The following ROBO2 variants were observed in gnomAD, a reference collection of about 807,000 sequenced individuals.
The protein encoded by ROBO2 is roundabout guidance receptor 2.
Under a neutral mutation model 160.8 loss-of-function variants are expected in ROBO2, and 53 were observed. The ratio of observed to expected loss-of-function variants is 0.33; its 90% confidence interval spans 0.26 to 0.41. ROBO2 has a LOEUF of 0.41. Ranked by LOEUF, ROBO2 falls within the 10% of genes least tolerant of loss-of-function variation. ROBO2 has a pLI of 1.00. For missense variants in ROBO2, 1,577 were observed against 1,722.4 expected (o/e 0.92, Z 1.49); for synonymous variants, 664 against 611.7 (o/e 1.09, Z -1.26).
At chr3:77,046,424 T>C (rs2064676706) in intron 1 of ROBO2, among the ~76,000 whole-genome samples, 1 of 152,200 alleles carries the variant, frequency 6.6e-6, no homozygotes, top group African/African-American at 2.4e-5. Flanking sequence ...AGATAGTACC[T>C]CAGTTGAACT....
chr3:76,874,084 A>C (rs1197416529), intron 2 of ROBO2, among the ~76,000 whole-genome samples: 1 of 152,194 alleles, frequency 6.6e-6, no homozygotes. Context: ...GGCCAGCCAC[A>C]GTTGATTGAC....
intron 2 of ROBO2, among the ~76,000 whole-genome samples, chr3:76,487,163 T>G (rs933451460): frequency 6.8e-6 from 1 of 148,092 alleles, no homozygotes; most frequent in African/African-American, 2.5e-5. Context: ...TTTTTTTTTG[T>G]AGAGACAGTG....
rs186766918 is a variant in ROBO2 at position 76,234,858 on chromosome 3, G to T, written c.109+297256G>T. 3.3e-5 allele frequency among the ~76,000 whole-genome samples: 5 copies of T among 152,188 alleles called. No homozygotes were observed. The East Asian group carries it at 9.7e-4, about 30-fold the overall frequency. ...TATGCCTGTTCATTATATTTTGGAA[G>T]AAGAAAACTCATTTCCTAGTTGAAA... On this transcript the variant is annotated intron_variant, in intron 2 of 26. Coordinates refer to the ROBO2 transcript ENST00000487694.
At chr3:76,804,482 G>C (rs941587210) in intron 2 of ROBO2, among the ~76,000 whole-genome samples, 2 of 152,172 alleles carry the variant, frequency 1.3e-5, no homozygotes, top group Non-Finnish European at 2.9e-5. Context: ...ACTAATAGTA[G>C]TAATGGGTAA....
chr3:76,463,697 C>T (rs1030432809), intron 2 of ROBO2, among the ~76,000 whole-genome samples: 11 of 152,152 alleles, frequency 7.2e-5, no homozygotes, highest in South Asian at 6.2e-4. Flanking sequence ...CACTCCTCCG[C>T]GCATCCATCA....
intron 2 of ROBO2, among the ~76,000 whole-genome samples, chr3:76,870,042 C>T (rs2071861912): frequency 6.6e-6 from 1 of 152,026 alleles, no homozygotes; most frequent in Non-Finnish European, 1.5e-5. Flanking sequence ...GGACCTATTG[C>T]ATGAGAGTGG....
chr3:76,743,908 A>G (rs767117173), intron 2 of ROBO2, among the ~76,000 whole-genome samples: 3 of 152,138 alleles, frequency 2.0e-5, no homozygotes, highest in Non-Finnish European at 2.9e-5. Flanking sequence ...AAAACTCTCA[A>G]TAGTTCTAAT....
intron 2 of ROBO2, among the ~76,000 whole-genome samples, chr3:77,384,190 T>C (rs2073863207): frequency 6.6e-6 from 1 of 152,182 alleles, no homozygotes; most frequent in African/African-American, 2.4e-5. Flanking sequence ...TTTCCCAGAA[T>C]GCTAAAATCT....
intron 2 of ROBO2, among the ~76,000 whole-genome samples, chr3:76,493,396 T>C (rs1389844681): frequency 6.9e-6 from 1 of 145,018 alleles, no homozygotes; most frequent in Non-Finnish European, 1.5e-5. Context: ...AAAGATTTCA[T>C]GTACACAACA....
intron 16 of ROBO2, among the ~76,000 whole-genome samples, chr3:77,580,528 C>T (rs1025029745): frequency 1.8e-4 from 28 of 152,176 alleles, no homozygotes; most frequent in African/African-American, 6.7e-4. Context: ...TCAGAATAAG[C>T]TTTGTAATCT....
intron 2 of ROBO2, among the ~76,000 whole-genome samples, chr3:76,474,059 A>G (rs1217291469): frequency 6.6e-6 from 1 of 152,200 alleles, no homozygotes; most frequent in African/African-American, 2.4e-5. Flanking sequence ...GAAAGGAAGA[A>G]GGTTATAGAG....
At chr3:76,702,162 T>C (rs1425623281) in intron 2 of ROBO2, among the ~76,000 whole-genome samples, 1 of 152,018 alleles carries the variant, frequency 6.6e-6, no homozygotes, top group African/African-American at 2.4e-5. Flanking sequence ...TTTATCCCTT[T>C]CCATTACCAA....
chr3:77,603,114 G>T (rs982685362), intron 20 of ROBO2: 2 of 455,904 alleles, frequency 4.4e-6, no homozygotes, highest in Non-Finnish European at 8.8e-6. Context: ...CGTATGACCT[G>T]TGTTCCTAAC....
intron 2 of ROBO2, among the ~76,000 whole-genome samples, chr3:77,175,547 A>T (rs576107687): frequency 6.6e-6 from 1 of 152,006 alleles, no homozygotes; most frequent in Non-Finnish European, 1.5e-5. Flanking sequence ...GGACAGTTGG[A>T]GGCAGGAAGT....
At chr3:75,992,445 A>ACAAAAGT (rs2065600628) in intron 2 of ROBO2, among the ~76,000 whole-genome samples, 1 of 152,142 alleles carries the variant, frequency 6.6e-6, no homozygotes, top group South Asian at 2.1e-4. Flanking sequence ...CTGCGGGTGC[A>ACAAAAGT]CAAAAGTCAA....
At chr3:76,744,822 A>G (rs1311282411) in intron 2 of ROBO2, among the ~76,000 whole-genome samples, 2 of 152,178 alleles carry the variant, frequency 1.3e-5, no homozygotes, top group African/African-American at 4.8e-5. Flanking sequence ...CCTCTTTCAA[A>G]AGTATAATAT....
intron 2 of ROBO2, among the ~76,000 whole-genome samples, chr3:76,482,772 C>A (rs1283508889): frequency 6.6e-6 from 1 of 152,074 alleles, no homozygotes; most frequent in Non-Finnish European, 1.5e-5. Context: ...GGGTTATCTT[C>A]CATTGCACCT....
chr3:76,416,051 A>G lies in ROBO2; in HGVS notation c.109+478449A>G, dbSNP rs531152992. 3.3e-5 allele frequency among the ~76,000 whole-genome samples: 5 copies of G among 152,316 alleles called. 1 individual carries two copies. The highest frequency in any genetic ancestry group is 1.2e-4 in the African/African-American group (5 of 41,574). The stretch of plus-strand genomic sequence containing the variant: ...GATCCGTGAACTTTCCCTTAAAACA[A>G]GATGATAAATGGCCTATTTTTCTAT... On this transcript the variant is annotated intron_variant, in intron 2 of 26. Transcript: ENST00000487694.
At chr3:76,065,891 G>T (rs995485890) in intron 2 of ROBO2, among the ~76,000 whole-genome samples, 64 of 151,670 alleles carry the variant, frequency 4.2e-4, no homozygotes, top group African/African-American at 1.5e-3. Context: ...TTGAAAAATT[G>T]TTCATCCCAT....
Sources: gnomAD v4.1 joint callset for allele counts (sites outside exome capture counted in the v4.1 genomes callset) on GRCh38, gnomAD v4.1.1 for gene constraint, MANE v1.5 for transcripts, NCBI Gene and HGNC (gene_info 2026-07-23, HGNC 2026-07-21) for gene names.